Variants in ZBTB17 observed in about 807,000 individuals in gnomAD.
ZBTB17 encodes zinc finger and BTB domain containing 17.
Under a neutral mutation model 85.1 loss-of-function variants are expected in ZBTB17, and 24 were observed. That is an observed-to-expected ratio of 0.28 (90% CI 0.20 to 0.40). The LOEUF (loss-of-function observed/expected upper bound fraction) is 0.40. Ranked by LOEUF, ZBTB17 falls within the 10% of genes least tolerant of loss-of-function variation. The pLI, the probability that ZBTB17 is intolerant of heterozygous loss-of-function variation, is 1.00. For missense variants in ZBTB17, 743 were observed against 1,105.1 expected (o/e 0.67, Z 4.65); for synonymous variants, 464 against 460.2 (o/e 1.01, Z -0.11).
At position 15,973,758 on chromosome 1, in the gene ZBTB17, C is replaced by T. The variant is rs1351487809; in HGVS notation, c.-89-633G>A. On this transcript the variant is annotated intron_variant, in intron 1 of 15. Transcript: ENST00000375743. The surrounding 1 kb of genome is among the most constrained non-coding windows in gnomAD (Gnocchi z 4.1). The stretch of plus-strand genomic sequence containing the variant: ...AATTGTGTCAATTCTATCGCTAAAA[C>T]CATCTCTCCTCACTCTCTGCCTTTA... Among the ~76,000 whole-genome samples the T allele has an allele frequency of 6.6e-6, 1 of 152,196 alleles. No homozygotes were observed. The highest frequency in any genetic ancestry group is 1.5e-5 in the Non-Finnish European group (1 of 68,040).
intron 2 of ZBTB17, among the ~76,000 whole-genome samples, chr1:15,957,400 CGGTGTGTGTGG>C (rs1557786771): frequency 4.6e-5 from 7 of 150,968 alleles, no homozygotes. Flanking sequence ...GCACAGGGGC[CGGTGTGTGTGG>C]AGAGGAGGAG....
At chr1:15,974,882 G>T (rs1031316296) in intron 1 of ZBTB17, among the ~76,000 whole-genome samples, 15 of 152,192 alleles carry the variant, frequency 9.9e-5, no homozygotes, top group African/African-American at 3.6e-4. Context: ...GGCCCAGTCT[G>T]CTTCTTTATT....
chr1:15,969,747 G>A lies in ZBTB17; in HGVS notation c.-3+3292C>T, dbSNP rs909281675. ...GGGAGTCTGTGGGAGCACTCACTGT[G>A]GGCCTCATGGGACAGTGTCAAACAA... On this transcript the variant is annotated intron_variant, in intron 2 of 15. Coordinates refer to ENST00000375743, the MANE Select transcript of ZBTB17 (RefSeq NM_003443.3). The A allele has an allele frequency of 5.7e-5, 28 of 491,250 alleles. No homozygotes were observed. The Admixed American group carries it at 6.5e-4, about 11-fold the overall frequency. 30.4% of individuals were successfully genotyped at this position (491,250 alleles called of 1,614,324 possible). A position where few individuals can be genotyped will look rare whatever the true frequency, so the allele number is the denominator to read the frequency against.
intron 2 of ZBTB17, among the ~76,000 whole-genome samples, chr1:15,949,417 G>T (rs2071745912): frequency 1.3e-5 from 2 of 152,194 alleles, no homozygotes; most frequent in African/African-American, 4.8e-5. Context: ...CTCTTTTCTA[G>T]AAAGAACCCA....
intron 2 of ZBTB17, among the ~76,000 whole-genome samples, chr1:15,960,137 G>A (rs1570173170): frequency 2.0e-5 from 3 of 152,280 alleles, no homozygotes; most frequent in Admixed American, 2.0e-4. Flanking sequence ...AACTGTGGGG[G>A]GCTTGCTGCT....
intron 1 of ZBTB17, among the ~76,000 whole-genome samples, chr1:15,974,334 CT>C (rs80079974): frequency 0.074 from 10,261 of 139,418 alleles, 251 homozygotes; most frequent in Middle Eastern, 0.094. Context: ...TTTTTTTTTC[CT>C]TTTTTTTTTT....
Position 15,943,659 on chromosome 1 carries a change from G to A in ZBTB17, c.1516C>T (p.His506Tyr). The change falls in exon 11 of 16, where the codon CAC (histidine) becomes TAC (tyrosine). Residue 506 changes from histidine (H) to tyrosine (Y), a missense_variant. By Grantham distance (83) the His-to-Tyr change is moderately conservative. Around this residue, in one of 4 missense-constraint regions of ZBTB17, gnomAD observed 321 missense variants for 615.7 expected, o/e 0.52. Transcript: ENST00000375743. ...GGGTCTGCAAACTGTCGCTGGCAGTGGATGCACACGTAGGGCTTCTCCCCG... is the reference window on the plus strand; with the variant it reads ...GGGTCTGCAAACTGTCGCTGGCAGTAGATGCACACGTAGGGCTTCTCCCCG... ...HSGEKPYVCIHCQRQFADPGA... is the reference protein window; with the variant it reads ...HSGEKPYVCIYCQRQFADPGA... The A allele has an allele frequency of 6.2e-7, 1 of 1,613,268 alleles. No homozygotes were observed. The highest frequency in any genetic ancestry group is 1.3e-5 in the African/African-American group (1 of 75,060).
At chr1:15,969,931 C>A in intron 2 of ZBTB17, 1 of 671,854 alleles carries the variant, frequency 1.5e-6, no homozygotes, top group East Asian at 3.0e-5. Flanking sequence ...AATCTGCCCT[C>A]CCATTGATTG....
intron 9 of ZBTB17, 83 bp from the exon 10 acceptor site, chr1:15,943,978 A>G: frequency 7.5e-7 from 1 of 1,336,258 alleles, no homozygotes; most frequent in Non-Finnish European, 1.1e-6. Flanking sequence ...CAAAGGAACA[A>G]TTGACTCTCA....
intron 13 of ZBTB17, 159 bp downstream of exon 13, chr1:15,942,905 G>A (rs1322989996): frequency 1.5e-6 from 2 of 1,347,958 alleles, no homozygotes; most frequent in African/African-American, 2.9e-5. Flanking sequence ...GGAAGCTCTA[G>A]GAAAATGGGG....
Position 15,946,976 on chromosome 1 carries a change from G to C in ZBTB17, c.353C>G (p.Ala118Gly), listed in dbSNP as rs1421458445. 2.5e-6 allele frequency: 4 copies of C among 1,613,632 alleles called. No homozygotes were observed. The highest frequency in any genetic ancestry group is 1.7e-5 in the Admixed American group (1 of 60,004). ...CTCCGCATTTCCCCCAGGGCTGGTA[G>C]CCGGCTCAGCAAGTGACTTGAGGGC... is the stretch of plus-strand genomic sequence containing the variant. ...CHALKSLAEP[A>G]TSPGGNAEAL... The change falls in exon 4 of 16, where the codon GCT becomes GGT. Residue 118 changes from alanine to glycine, a missense_variant. Ala to Gly is a moderately conservative substitution (Grantham distance 60). Transcript: ENST00000375743.
At chr1:15,956,097 C>A (rs928069213) in intron 2 of ZBTB17, among the ~76,000 whole-genome samples, 2 of 152,182 alleles carry the variant, frequency 1.3e-5, no homozygotes, top group South Asian at 2.1e-4. Context: ...AATTAAGGGG[C>A]CTTCCTGCCA....
Position 15,944,407 on chromosome 1 carries a change from A to G in ZBTB17, c.1264T>C (p.Tyr422His). ...GGGTCGGAGAAGGAGCGGCCGCAGT[A>G]GTCGCACTGGTAGGGCTTCTCGCCG... is the stretch of plus-strand genomic sequence containing the variant. ...HSGEKPYQCD[Y>H]CGRSFSDPTS... Residue 422 changes from tyrosine to histidine, a missense_variant, in exon 9 of 16, where the codon TAC becomes CAC. By Grantham distance (83) the Tyr-to-His change is moderately conservative. Transcript: ENST00000375743. The G allele has an allele frequency of 6.4e-7, 1 of 1,565,088 alleles. No homozygotes were observed. The highest frequency in any genetic ancestry group is 8.7e-7 in the Non-Finnish European group (1 of 1,155,342).
intron 2 of ZBTB17, among the ~76,000 whole-genome samples, chr1:15,967,435 T>C (rs1570201962): frequency 6.6e-6 from 1 of 151,702 alleles, no homozygotes; most frequent in East Asian, 1.9e-4. Flanking sequence ...TACCAGCACT[T>C]TGGAAGGCTG....
Position 15,944,841 on chromosome 1 carries a change from T to C in ZBTB17, c.928-2A>G. 1 of 1,595,320 alleles carries C rather than the reference T, an allele frequency of 6.3e-7. No homozygotes were observed. The highest frequency in any genetic ancestry group is 8.5e-7 in the Non-Finnish European group (1 of 1,170,836). On this transcript the variant is annotated splice_acceptor_variant, in intron 7 of 15. Transcript: ENST00000375743. LOFTEE classifies it high-confidence loss of function. ...GTGCGTGAACTCCTTCCCACAGTCC[T>C]GTGGGTGCAGCGGGGAAGCGGGGTG...
chr1:15,944,137 TCCCCCG>T, intron 9 of ZBTB17, 157 bp downstream of exon 9: 1 of 1,168,262 alleles, frequency 8.6e-7, no homozygotes. Context: ...AACCGGGAGC[TCCCCCG>T]CGGAAGTGGC....
At chr1:15,974,840 T>C (rs1267900641) in intron 1 of ZBTB17, among the ~76,000 whole-genome samples, 1 of 152,226 alleles carries the variant, frequency 6.6e-6, no homozygotes, top group East Asian at 1.9e-4. Flanking sequence ...CCTCCCAAAG[T>C]GCTGAGATTA....
At position 15,969,609 on chromosome 1, in the gene ZBTB17, G is replaced by A. The variant is rs535293102; in HGVS notation, c.-3+3430C>T. On this transcript the variant is annotated intron_variant, in intron 2 of 15. Transcript: ENST00000375743. ...GCTGCCTGCCTGGGCCTCGGAGGGT[G>A]GGGGGAGCAGGGCAGGGAGATGATA... The A allele has an allele frequency of 1.2e-5, 5 of 416,816 alleles. 1 individual carries two copies. In the East Asian group the frequency reaches 2.9e-4, roughly 24 times the overall value. 25.8% of individuals were successfully genotyped at this position (416,816 alleles called of 1,614,324 possible). A position where few individuals can be genotyped will look rare whatever the true frequency, so the allele number is the denominator to read the frequency against.
At chr1:15,954,092 G>C (rs183410268) in intron 2 of ZBTB17, among the ~76,000 whole-genome samples, 126 of 152,332 alleles carry the variant, frequency 8.3e-4, no homozygotes, top group African/African-American at 2.9e-3. Flanking sequence ...AGTGATGGGA[G>C]GGGCACTGAG....
Sources: gnomAD v4.1 joint callset for allele counts (sites outside exome capture counted in the v4.1 genomes callset) on GRCh38, gnomAD v4.1.1 for gene constraint, gnomAD v4.1.1 regional missense constraint, Gnocchi (gnomAD v3.1) non-coding constraint, MANE v1.5 for transcripts, NCBI Gene and HGNC (gene_info 2026-07-23, HGNC 2026-07-21) for gene names.